Variants in ZNF138 observed in about 807,000 individuals in gnomAD.
ZNF138 encodes zinc finger protein 138 (clone pHZ-32).
Under a neutral mutation model 33.0 loss-of-function variants are expected in ZNF138, and 33 were observed. The observed-to-expected ratio is 1.00, with a 90% CI of 0.76 to 1.34. ZNF138 has a LOEUF of 1.34. Among genes scored for constraint, ZNF138 ranks in the 40% most tolerant of loss-of-function variants. The pLI is 0.00. For synonymous variants in ZNF138, 139 were observed against 120.4 expected (o/e 1.15, Z -1.01); for missense variants, 360 against 370.8 (o/e 0.97, Z 0.24).
chr7:64,811,905 C>T (rs1403476815), intron 1 of ZNF138, among the ~76,000 whole-genome samples: 1 of 152,128 alleles, frequency 6.6e-6, no homozygotes, highest in African/African-American at 2.4e-5. Context: ...AGGGTGAGTC[C>T]AAAATCACCA....
chr7:64,837,447 AGGTACGTGCCAAGAGGTG>A (rs1196376717), downstream of ZNF138, among the ~76,000 whole-genome samples: 1 of 152,112 alleles, frequency 6.6e-6, no homozygotes, highest in Non-Finnish European at 1.5e-5. Flanking sequence ...GAGGTAGGGC[AGGTACGTGCCAAGAGGTG>A]GGGTATTCAC....
chr7:64,814,886 T>G (rs909774260), intron 1 of ZNF138, 32 bp from the exon 2 acceptor site: 3 of 1,610,292 alleles, frequency 1.9e-6, no homozygotes, highest in Admixed American at 1.7e-5. Flanking sequence ...TTGGTTAATG[T>G]GTGTGTGTGT....
At chr7:64,810,497 T>G (rs1295234657) in intron 1 of ZNF138, among the ~76,000 whole-genome samples, 1 of 151,666 alleles carries the variant, frequency 6.6e-6, no homozygotes, top group Non-Finnish European at 1.5e-5. Context: ...TTCTTATGCC[T>G]TGCTAAGAAT....
At position 64,796,748 on chromosome 7, in the gene ZNF138, C is replaced by T. The variant is rs570272864; in HGVS notation, c.3+2177C>T. On this transcript the variant is annotated intron_variant, in intron 1 of 3. Coordinates refer to ENST00000307355, the MANE Select transcript of ZNF138 (RefSeq NM_001271639.2). The stretch of plus-strand genomic sequence containing the variant: ...CTTCTTCCATTTTGGCTGTGGAAAA[C>T]GAATACATTTCCGGCGGGGTGCGGT... Among the ~76,000 whole-genome samples, 81 of 152,186 alleles carry T rather than the reference C, an allele frequency of 5.3e-4. 1 individual carries two copies. In the Middle Eastern group the frequency reaches 0.02, roughly 38 times the overall value.
chr7:64,815,795 A>G lies in ZNF138; in HGVS notation c.208+142A>G, dbSNP rs577989699. The G allele has an allele frequency of 8.7e-5, 60 of 688,240 alleles. No homozygotes were observed. The highest frequency in any genetic ancestry group is 8.3e-4 in the African/African-American group (44 of 53,116). 42.6% of individuals were successfully genotyped at this position (688,240 alleles called of 1,614,324 possible). ...CCTGAGTTTTTTATTTTGCTCTTAC[A>G]TAAGACATCTTCTGTCTTATGTTTT... On this transcript the variant is annotated intron_variant, in intron 3 of 3. Transcript: ENST00000307355.
chr7:64,819,562 T>C (rs1788945564), intron 3 of ZNF138, among the ~76,000 whole-genome samples: 1 of 151,940 alleles, frequency 6.6e-6, no homozygotes, highest in African/African-American at 2.4e-5. Flanking sequence ...AGAGATGGGG[T>C]TTCACCATGT....
At chr7:64,809,503 C>A (rs1397608338) in intron 1 of ZNF138, among the ~76,000 whole-genome samples, 34 of 188 alleles carry the variant, frequency 0.18, 14 homozygotes, top group African/African-American at 0.5. Flanking sequence ...TGACCCCCCC[C>A]ACCTCCCTCC....
chr7:64,831,881 T>G lies in ZNF138; in HGVS notation c.639T>G (p.Pro213=). 1 of 1,613,828 alleles carries G rather than the reference T, an allele frequency of 6.2e-7. No homozygotes were observed. Among genetic ancestry groups the G allele is most frequent in the Non-Finnish European group, 8.5e-7 (1 of 1,179,858 alleles). Residue 213 remains proline, a synonymous_variant, in exon 4 of 4, where the codon CCT becomes CCG. Transcript: ENST00000307355. ...ACTGGTCCACAAACCTTTCTAAACC[T>G]AAGAAAATTCATACTGGAGAAAAAC... The part of the protein sequence containing the change: ...TFNWSTNLSK[P]KKIHTGEKPY...
chr7:64,839,466 G>A, the ZNF138 span, among the ~76,000 whole-genome samples: 3 of 152,118 alleles, frequency 2.0e-5, no homozygotes, highest in Admixed American at 6.5e-5. Context: ...TCTCTGAGTC[G>A]TCAATGCCGA....
At chr7:64,797,522 G>A (rs1310047547) in intron 1 of ZNF138, among the ~76,000 whole-genome samples, 1 of 152,094 alleles carries the variant, frequency 6.6e-6, no homozygotes, top group Non-Finnish European at 1.5e-5. Context: ...GGGAAGGGAG[G>A]TTATTAAAGG....
At chr7:64,830,731 A>G (rs541829349) in intron 3 of ZNF138, among the ~76,000 whole-genome samples, 19 of 152,180 alleles carry the variant, frequency 1.2e-4, no homozygotes, top group Non-Finnish European at 2.5e-4. Context: ...AAATTTGAAC[A>G]TTAAAAAAAG....
At chr7:64,836,350 C>G (rs572995724), downstream of ZNF138, 18 of 152,286 alleles carry the variant, frequency 1.2e-4, no homozygotes, top group African/African-American at 3.9e-4. Context: ...AATTAAAAAC[C>G]ACGAGAAGGG....
At chr7:64,837,948 A>G (rs1790409576), downstream of ZNF138, among the ~76,000 whole-genome samples, 1 of 152,162 alleles carries the variant, frequency 6.6e-6, no homozygotes, top group African/African-American at 2.4e-5. Context: ...ATAGTGGTCT[A>G]GGCGGAAGGG....
intron 3 of ZNF138, among the ~76,000 whole-genome samples, chr7:64,817,323 G>T (rs926999952): frequency 2.0e-5 from 3 of 152,192 alleles, no homozygotes; most frequent in Non-Finnish European, 4.4e-5. Context: ...GAGGAGTTTG[G>T]GATGGTTACA....
chr7:64,825,608 C>T (rs901689444), intron 3 of ZNF138, among the ~76,000 whole-genome samples: 1 of 149,516 alleles, frequency 6.7e-6, no homozygotes, highest in African/African-American at 2.5e-5. Flanking sequence ...GGCACAATCT[C>T]GGTTCACTGC....
chr7:64,807,933 T>G (rs868578102), intron 1 of ZNF138, among the ~76,000 whole-genome samples: 1 of 152,104 alleles, frequency 6.6e-6, no homozygotes, highest in Middle Eastern at 3.4e-3. Context: ...GATACTGGAG[T>G]AGAGTATTCT....
chr7:64,831,178 T>G, intron 3 of ZNF138: 1 of 1,447,560 alleles, frequency 6.9e-7, no homozygotes, highest in Non-Finnish European at 9.3e-7. Context: ...AGAGCTGTGT[T>G]GGGTAAATGT....
downstream of ZNF138, among the ~76,000 whole-genome samples, chr7:64,838,023 G>A (rs890264056): frequency 6.6e-6 from 1 of 152,130 alleles, no homozygotes; most frequent in Non-Finnish European, 1.5e-5. Context: ...GATTGAGGAG[G>A]GGCGGCTGGG....
chr7:64,812,345 A>G (rs1250793716), intron 1 of ZNF138, among the ~76,000 whole-genome samples: 1 of 151,718 alleles, frequency 6.6e-6, no homozygotes, highest in African/African-American at 2.4e-5. Flanking sequence ...GCATTTTTCT[A>G]GAGAAGGTTT....
Sources: gnomAD v4.1 joint callset for allele counts (sites outside exome capture counted in the v4.1 genomes callset) on GRCh38, gnomAD v4.1.1 for gene constraint, MANE v1.5 for transcripts, NCBI Gene and HGNC (gene_info 2026-07-23, HGNC 2026-07-21) for gene names.